The following SMAP1 variants were observed in gnomAD, a reference collection of about 807,000 sequenced individuals.
SMAP1 encodes small ArfGAP 1.
SMAP1 carries 24 observed loss-of-function variants against 58.5 expected under a neutral mutation model. The ratio of observed to expected loss-of-function variants is 0.41; its 90% CI spans 0.30 to 0.58. The LOEUF is 0.58. Among genes scored for constraint, SMAP1 ranks in the 20% least tolerant of loss-of-function variants. The pLI is 0.29. For missense variants in SMAP1, 563 were observed against 566.3 expected (o/e 0.99, Z 0.06); for synonymous variants, 216 against 196.6 (o/e 1.10, Z -0.82).
At chr6:70,732,249 A>G in intron 1 of SMAP1, 129 bp from the exon 2 acceptor site, 1 of 972,446 alleles carries the variant, frequency 1.0e-6, no homozygotes, top group Non-Finnish European at 1.4e-6. Context: ...ACCATTTGAA[A>G]ATTTGAGCAT....
Position 70,668,651 on chromosome 6 carries a change from A to G in SMAP1, c.118+510A>G, listed in dbSNP as rs1562081203. The G allele has an allele frequency of 7.8e-6, 12 of 1,535,742 alleles. No homozygotes were observed. The Admixed American group carries it at 1.6e-4, about 20-fold the overall frequency. ...TAGATGGAGCCCTACCTGCCTGCCC[A>G]CCTGACAGCTTTTGTACAAGGCTTT... On this transcript the variant is annotated intron_variant, in intron 1 of 10. Transcript: ENST00000370455.
At chr6:70,688,580 C>T (rs971979219) in intron 1 of SMAP1, among the ~76,000 whole-genome samples, 1 of 152,096 alleles carries the variant, frequency 6.6e-6, no homozygotes, top group East Asian at 1.9e-4. Context: ...GCCAGTTTTC[C>T]ATCTGTATGT....
At chr6:70,856,553 A>C (rs536845223) in intron 8 of SMAP1, 2 of 207,890 alleles carry the variant, frequency 9.6e-6, no homozygotes, top group African/African-American at 4.6e-5. Context: ...TCTCATCTCT[A>C]ACTATTGTTG....
chr6:70,734,939 A>C (rs532166454), intron 2 of SMAP1: 1 of 153,832 alleles, frequency 6.5e-6, no homozygotes, highest in South Asian at 2.1e-4. Flanking sequence ...ATTATATTGC[A>C]GATAAGAGAG....
intron 6 of SMAP1, among the ~76,000 whole-genome samples, chr6:70,808,902 CTGTGTGTGTG>C (rs35577736): frequency 6.1e-4 from 89 of 144,762 alleles, no homozygotes; most frequent in South Asian, 1.4e-3. Context: ...GGCTGTTTCC[CTGTGTGTGTG>C]TGTGTGTGTG....
chr6:70,758,347 A>G (rs1766598362), intron 3 of SMAP1, among the ~76,000 whole-genome samples: 1 of 132,752 alleles, frequency 7.5e-6, no homozygotes, highest in Non-Finnish European at 1.5e-5. Flanking sequence ...AGGAAGGGGA[A>G]TATCACACTC....
intron 6 of SMAP1, among the ~76,000 whole-genome samples, chr6:70,813,551 A>T (rs925498695): frequency 2.0e-5 from 3 of 152,124 alleles, no homozygotes; most frequent in Non-Finnish European, 2.9e-5. Context: ...ATTTTTAAAT[A>T]TTAAAATTTG....
At chr6:70,778,058 T>G (rs1240571809) in intron 4 of SMAP1, among the ~76,000 whole-genome samples, 4 of 152,222 alleles carry the variant, frequency 2.6e-5, no homozygotes, top group Admixed American at 1.3e-4. Flanking sequence ...AGCTAAGTCT[T>G]TAATCTATTT....
intron 7 of SMAP1, chr6:70,837,637 A>T (rs2149998757): frequency 2.7e-6 from 1 of 368,774 alleles, no homozygotes; most frequent in East Asian, 1.0e-4. Context: ...TAGTGTGCTT[A>T]TCTACAAATA....
At chr6:70,729,463 G>GTGTGTGTGTA (rs1220694051) in intron 1 of SMAP1, among the ~76,000 whole-genome samples, 1 of 146,680 alleles carries the variant, frequency 6.8e-6, no homozygotes, top group Non-Finnish European at 1.5e-5. Context: ...AGAAGGTTGT[G>GTGTGTGTGTA]TGTGTGTGTG....
chr6:70,829,945 GT>G (rs1331334797), intron 6 of SMAP1, among the ~76,000 whole-genome samples: 10 of 152,106 alleles, frequency 6.6e-5, no homozygotes, highest in Admixed American at 6.5e-4. Context: ...GACCTAAATA[GT>G]TTTTTATTCA....
chr6:70,697,737 T>G (rs1767468945), intron 1 of SMAP1, among the ~76,000 whole-genome samples: 1 of 152,222 alleles, frequency 6.6e-6, no homozygotes. Flanking sequence ...ACGTAATCCA[T>G]TATTTTAAAC....
intron 6 of SMAP1, among the ~76,000 whole-genome samples, chr6:70,825,069 T>C (rs117184924): frequency 6.8e-4 from 103 of 152,324 alleles, no homozygotes; most frequent in Non-Finnish European, 1.1e-3. Flanking sequence ...GACTCTGTGC[T>C]CATGGAGCAT....
intron 7 of SMAP1, among the ~76,000 whole-genome samples, chr6:70,848,152 A>G (rs538626786): frequency 1.3e-5 from 2 of 152,268 alleles, no homozygotes; most frequent in East Asian, 3.9e-4. Flanking sequence ...AAAAGGATGC[A>G]TTTAACTCCC....
chr6:70,724,030 A>G lies in SMAP1; in HGVS notation c.119-8348A>G, dbSNP rs555427399. Reference sequence around the variant, plus strand: ...ATCAATTCTTTTGTTTTTTAATAAAATGAAAATGTTTTCTTATTATTTAAT... The same window carrying G: ...ATCAATTCTTTTGTTTTTTAATAAAGTGAAAATGTTTTCTTATTATTTAAT... On this transcript the variant is annotated intron_variant, in intron 1 of 10. Coordinates refer to ENST00000370455, the MANE Select transcript of SMAP1 (RefSeq NM_001044305.3). 1.6e-4 allele frequency among the ~76,000 whole-genome samples: 25 copies of G among 152,238 alleles called. 1 individual carries two copies. In the South Asian group the frequency reaches 5.2e-3, roughly 32 times the overall value.
intron 3 of SMAP1, among the ~76,000 whole-genome samples, chr6:70,767,656 C>T (rs1221701433): frequency 4.1e-4 from 62 of 150,188 alleles, no homozygotes; most frequent in African/African-American, 1.4e-3. Flanking sequence ...TGGGCTGAGA[C>T]GATGGGGTTT....
rs548969211 is a variant in SMAP1, at chr6:70,698,677, ACT to A, written c.118+30539_118+30540del. On this transcript the variant is annotated intron_variant, in intron 1 of 10. Transcript: ENST00000370455. ...GCTTGATCAATTCTGCTGTTGAGAG[ACT>A]CTGACGCATTCTTCAGTATGTCAGT... Among the ~76,000 whole-genome samples, 683 of 151,742 alleles carry A rather than the reference ACT, an allele frequency of 4.5e-3. 4 individuals carry two copies. The highest frequency in any genetic ancestry group is 0.033 in the South Asian group (158 of 4,778).
At chr6:70,677,753 C>G (rs1293751851) in intron 1 of SMAP1, among the ~76,000 whole-genome samples, 1 of 152,090 alleles carries the variant, frequency 6.6e-6, no homozygotes, top group Non-Finnish European at 1.5e-5. Context: ...AAGCTTTTCA[C>G]TGATGATTTA....
intron 3 of SMAP1, among the ~76,000 whole-genome samples, chr6:70,756,924 G>A (rs1440465657): frequency 6.6e-6 from 1 of 151,900 alleles, no homozygotes; most frequent in African/African-American, 2.4e-5. Context: ...AATCAATATC[G>A]TGAAAATGGC....
Sources: gnomAD v4.1 joint callset for allele counts (sites outside exome capture counted in the v4.1 genomes callset) on GRCh38, gnomAD v4.1.1 for gene constraint, MANE v1.5 for transcripts, NCBI Gene and HGNC (gene_info 2026-07-23, HGNC 2026-07-21) for gene names.